The following SPG7 variants were observed in gnomAD, a reference collection of about 807,000 sequenced individuals.
The protein encoded by SPG7 is SPG7 matrix AAA peptidase subunit, paraplegin.
In SPG7, 103 loss-of-function variants were observed where a neutral mutation model predicts 81.9. That is an observed-to-expected ratio of 1.26 (90% CI 1.07 to 1.48). The LOEUF is 1.48. SPG7 is among the 40% of genes most tolerant of loss of function. The probability of loss-of-function intolerance (pLI) is 0.00; values close to 1 mark genes in which losing one functional copy is unlikely to be tolerated. For missense variants in SPG7, 1,241 were observed against 1,087.3 expected (o/e 1.14, Z -1.99); for synonymous variants, 534 against 444.2 (o/e 1.20, Z -2.54).
intron 4 of SPG7, among the ~76,000 whole-genome samples, chr16:89,526,102 G>A (rs148009273): frequency 2.2e-4 from 34 of 152,274 alleles, no homozygotes; most frequent in African/African-American, 7.7e-4. Context: ...TAGCCCCATC[G>A]TAGGTCAAGG....
intron 3 of SPG7, chr16:89,517,112 T>C (rs1217929092): frequency 6.6e-6 from 1 of 152,380 alleles, no homozygotes; most frequent in Non-Finnish European, 1.5e-5. Context: ...CATAGCTCAC[T>C]CCTGTGTTGC....
Position 89,548,013 on chromosome 16 carries a change from C to T in SPG7, c.1563C>T (p.Ile521=), listed in dbSNP as rs202123044. The change falls in exon 12 of 17, where the codon ATC becomes ATT. Residue 521 remains isoleucine, a synonymous_variant. Coordinates refer to ENST00000645818, the MANE Select transcript of SPG7 (RefSeq NM_003119.4). ...ELTPGFSGAD[I]ANICNEAALH... ...TGTTTGTGTTGACAGGGGCTGACAT[C>T]GCCAACATCTGCAATGAGGCTGCGC... 6.8e-6 allele frequency: 11 copies of T among 1,612,570 alleles called. No individual in the cohort carries two copies. Among genetic ancestry groups the T allele is most frequent in the East Asian group, 2.2e-5 (1 of 44,896 alleles).
intron 3 of SPG7, chr16:89,521,558 A>G (rs1477909129): frequency 1.3e-5 from 2 of 152,232 alleles, no homozygotes; most frequent in South Asian, 2.1e-4. Flanking sequence ...CCTTGGCAAC[A>G]TAGTGAGACC....
intron 9 of SPG7, chr16:89,540,622 C>T (rs571883674): frequency 1.3e-5 from 2 of 153,224 alleles, no homozygotes; most frequent in African/African-American, 4.8e-5. Context: ...GTGACAACAC[C>T]ACACGCTGCT....
chr16:89,516,972 G>A (rs2058105904), intron 3 of SPG7: 1 of 152,228 alleles, frequency 6.6e-6, no homozygotes, highest in African/African-American at 2.4e-5. Flanking sequence ...TTATGCAGTG[G>A]AAGCGGATCA....
intron 16 of SPG7, chr16:89,555,892 C>T (rs946394175): frequency 2.5e-6 from 1 of 398,644 alleles, no homozygotes; most frequent in African/African-American, 2.1e-5. Context: ...CACTGTGTGT[C>T]ACGTGGGGAT....
At chr16:89,556,730 T>C (rs2058690503) in intron 16 of SPG7, 157 bp from the exon 17 acceptor site, 2 of 700,502 alleles carry the variant, frequency 2.9e-6, no homozygotes, top group Non-Finnish European at 5.2e-6. Context: ...GATTCTTCTT[T>C]CGGAGCTGCC....
At chr16:89,512,900 C>G in intron 2 of SPG7, 48 bp from the exon 3 acceptor site, 1 of 1,606,326 alleles carries the variant, frequency 6.2e-7, no homozygotes, top group African/African-American at 1.3e-5. Flanking sequence ...TATGCCTCCC[C>G]TGTGGTTGCA....
chr16:89,518,081 C>T (rs927739598), intron 3 of SPG7: 3 of 152,202 alleles, frequency 2.0e-5, no homozygotes, highest in Non-Finnish European at 2.9e-5. Flanking sequence ...GCTGTGGTTT[C>T]GGCGGGAGTT....
At chr16:89,536,725 G>A (rs762374793) in intron 9 of SPG7, 1 of 1,611,974 alleles carries the variant, frequency 6.2e-7, no homozygotes, top group South Asian at 1.1e-5. Flanking sequence ...GGACACCAAG[G>A]TCTTCGTCCT....
Position 89,530,762 on chromosome 16 carries a change from T to A in SPG7, c.941T>A (p.Met314Lys), listed in dbSNP as rs863224219. The change falls in exon 7 of 17, where the codon ATG becomes AAG. Residue 314 changes from methionine (M) to lysine (K), a missense_variant. Physicochemically the swap from Met to Lys is moderately conservative, Grantham distance 95. Transcript: ENST00000645818. ...KGVSFKDVAG[M>K]HEAKLEVREF... ...GTCAGCTTCAAAGACGTGGCAGGAA[T>A]GCACGAAGCCAAACTGGAAGTCCGC... is the stretch of plus-strand genomic sequence containing the variant. 2.5e-6 allele frequency: 4 copies of A among 1,614,122 alleles called. No homozygotes were observed. Among genetic ancestry groups the A allele is most frequent in the Non-Finnish European group, 3.4e-6 (4 of 1,180,020 alleles).
intron 1 of SPG7, among the ~76,000 whole-genome samples, chr16:89,510,001 G>A (rs192208256): frequency 1.5e-3 from 225 of 151,276 alleles, no homozygotes; most frequent in African/African-American, 5.3e-3. Context: ...TTGAGATGGA[G>A]TTTCCCTTTG....
intron 13 of SPG7, 59 bp downstream of exon 13, chr16:89,550,668 G>T (rs1186543322): frequency 1.7e-6 from 2 of 1,158,186 alleles, no homozygotes; most frequent in Non-Finnish European, 2.6e-6. Flanking sequence ...GGGGAGTCCC[G>T]CCTGTGTCTG....
intron 3 of SPG7, chr16:89,523,721 C>A: frequency 1.8e-6 from 1 of 545,726 alleles, no homozygotes; most frequent in Middle Eastern, 2.8e-4. Context: ...CACCGTTGTG[C>A]CCAGGTCTAA....
intron 9 of SPG7, chr16:89,540,314 A>C (rs2058478575): frequency 6.6e-6 from 1 of 152,158 alleles, no homozygotes; most frequent in Admixed American, 6.5e-5. Context: ...ACCGGCCCAG[A>C]TCTGGGCCAT....
rs1464292388 is a variant in SPG7, at chr16:89,508,543, G to A, written c.126G>A (p.Pro42=). ...GFPARPGRGR[P]YMASRPPGDL... is the part of the protein sequence containing the mutation. ...CCGCCAGGCCCGGGAGGGGGCGGCC[G>A]TACATGGCCAGCAGGCCTCCGGGGG... Residue 42 remains proline (P), a synonymous_variant, in exon 1 of 17, where the codon CCG becomes CCA. Transcript: ENST00000645818. 2.0e-6 allele frequency: 3 copies of A among 1,510,806 alleles called. No homozygotes were observed. The highest frequency in any genetic ancestry group is 2.6e-5 in the East Asian group (1 of 37,842). 93.6% of individuals were successfully genotyped at this position (1,510,806 alleles called of 1,614,324 possible). A position where few individuals can be genotyped will look rare whatever the true frequency, so the allele number is the denominator to read the frequency against.
Position 89,557,484 on chromosome 16 carries a change from C to T in SPG7, c.*391C>T. On this transcript the variant is annotated 3_prime_UTR_variant, in exon 17 of 17. Transcript: ENST00000645818. ...TGCACGACCGCCCCAGTTCCTGTGG[C>T]TCCCTCGGAATGCTAAGGGGATCGG... The T allele has an allele frequency of 1.8e-5, 5 of 283,646 alleles. No individual in the cohort carries two copies. The South Asian group carries it at 1.8e-4, about 10-fold the overall frequency. 17.6% of individuals were successfully genotyped at this position (283,646 alleles called of 1,614,324 possible). A position where few individuals can be genotyped will look rare whatever the true frequency, so the allele number is the denominator to read the frequency against.
intron 2 of SPG7, 85 bp from the exon 3 acceptor site, chr16:89,512,863 G>A: frequency 3.4e-6 from 5 of 1,485,870 alleles, no homozygotes; most frequent in Non-Finnish European, 3.7e-6. Flanking sequence ...TTTTGCTTTG[G>A]TTATTTAGGA....
intron 16 of SPG7, chr16:89,556,524 CAG>C (rs1217889931): frequency 3.0e-6 from 1 of 337,888 alleles, no homozygotes; most frequent in African/African-American, 2.1e-5. Flanking sequence ...AACTTCGCCT[CAG>C]ATTCCTTCTC....
Sources: allele counts gnomAD v4.1 joint callset (sites outside exome capture counted in the v4.1 genomes callset), GRCh38; gene constraint gnomAD v4.1.1; transcripts MANE v1.5; gene names NCBI Gene and HGNC (gene_info 2026-07-23, HGNC 2026-07-21).